Variants in ARID1B observed in about 807,000 individuals in gnomAD.
The protein encoded by ARID1B is AT-rich interactive domain-containing protein 1B.
Under a neutral mutation model 212.3 loss-of-function variants are expected in ARID1B, and 30 were observed. The observed-to-expected ratio is 0.14, with a 90% CI of 0.11 to 0.19. The LOEUF is 0.19. Among genes scored for constraint, ARID1B ranks in the 10% least tolerant of loss-of-function variants. The pLI, the probability that ARID1B is intolerant of heterozygous loss-of-function variation, is 1.00. For synonymous variants in ARID1B, 1,402 were observed against 1,301.7 expected (o/e 1.08, Z -1.66); for missense variants, 2,891 against 3,204.0 (o/e 0.90, Z 2.36).
intron 2 of ARID1B, among the ~76,000 whole-genome samples, chr6:156,867,970 C>T (rs553713909): frequency 2.9e-4 from 44 of 152,290 alleles, no homozygotes; most frequent in African/African-American, 1.0e-3. Flanking sequence ...ATGGCTGCTG[C>T]AGTTCCAAAC....
chr6:157,120,449 G>T (rs185149363), intron 6 of ARID1B, among the ~76,000 whole-genome samples: 1 of 152,204 alleles, frequency 6.6e-6, no homozygotes, highest in Non-Finnish European at 1.5e-5. Flanking sequence ...CTGGTGTGGC[G>T]CGGGGGGCCT....
At chr6:157,043,202 A>T (rs549828332) in intron 4 of ARID1B, among the ~76,000 whole-genome samples, 2 of 152,164 alleles carry the variant, frequency 1.3e-5, no homozygotes, top group African/African-American at 4.8e-5. Flanking sequence ...TAAATATCCC[A>T]TGCCCTTTGC....
chr6:157,008,767 G>T (rs1334107183), intron 4 of ARID1B, among the ~76,000 whole-genome samples: 2 of 152,046 alleles, frequency 1.3e-5, no homozygotes, highest in Non-Finnish European at 2.9e-5. Context: ...GAGGGGGGCG[G>T]CGCTCAGATG....
Position 157,201,593 on chromosome 6 carries a change from TTATGAC to T in ARID1B, c.5263+108_5263+113del. 1.2e-5 allele frequency: 16 copies of T among 1,304,400 alleles called. No individual in the cohort carries two copies. The highest frequency in any genetic ancestry group is 1.6e-5 in the Non-Finnish European group (16 of 977,012). The allele number at this position is 1,304,400 out of a possible 1,614,324, so 80.8% of individuals were successfully genotyped here. A position where few individuals can be genotyped will look rare whatever the true frequency, so the allele number is the denominator to read the frequency against. On this transcript the variant is annotated intron_variant, in intron 18 of 19. Transcript: ENST00000636930. This position sits in a 1 kb window ranked among gnomAD's most constrained non-coding sequence, Gnocchi z 5.2. ...TGCTCATCTTAAAGGGATGAAAAAA[TTATGAC>T]TAGAAGTTATCAAGATGCGTTTTTA...
intron 5 of ARID1B, among the ~76,000 whole-genome samples, chr6:157,085,802 A>G (rs184346264): frequency 2.0e-5 from 3 of 152,368 alleles, no homozygotes; most frequent in East Asian, 1.9e-4. Flanking sequence ...AACATCAACT[A>G]TCAAATAAAC....
At chr6:157,102,604 CTTTTTTTTTTTTTTTTTTTT>C (rs35977420) in intron 5 of ARID1B, among the ~76,000 whole-genome samples, 36 of 66,252 alleles carry the variant, frequency 5.4e-4, no homozygotes, top group African/African-American at 2.1e-3. Context: ...CTGAGTGGTT[CTTTTTTTTTTTTTTTTTTTT>C]TTTTTTGAGA....
intron 4 of ARID1B, among the ~76,000 whole-genome samples, chr6:156,952,369 TACTG>T (rs1793651381): frequency 6.6e-6 from 1 of 152,370 alleles, no homozygotes; most frequent in Admixed American, 6.5e-5. Flanking sequence ...TTCTCGAACT[TACTG>T]ACTTTGAATA....
intron 4 of ARID1B, among the ~76,000 whole-genome samples, chr6:156,956,700 C>G (rs111989643): frequency 1.6e-4 from 24 of 152,320 alleles, no homozygotes; most frequent in African/African-American, 5.5e-4. Flanking sequence ...GCATGTGTAG[C>G]AGGCAGGATG....
At chr6:156,779,600 C>A (rs1583028001) in intron 1 of ARID1B, 129 bp downstream of exon 1, 1 of 1,004,158 alleles carries the variant, frequency 1.0e-6, no homozygotes, top group African/African-American at 1.7e-5. Flanking sequence ...GCGCCCAAAG[C>A]CATCTTGACG....
At chr6:157,112,849 T>C (rs1787020585) in intron 6 of ARID1B, among the ~76,000 whole-genome samples, 2 of 152,342 alleles carry the variant, frequency 1.3e-5, no homozygotes, top group East Asian at 3.9e-4. Flanking sequence ...TTCGATTGCC[T>C]TTATTATATG....
chr6:157,047,886 C>A, intron 4 of ARID1B, among the ~76,000 whole-genome samples: 1 of 152,284 alleles, frequency 6.6e-6, no homozygotes, highest in East Asian at 1.9e-4. Flanking sequence ...TAATTAGAGG[C>A]GTGTTTCAGG....
chr6:157,112,645 A>G (rs947651933), intron 6 of ARID1B, among the ~76,000 whole-genome samples: 1 of 152,202 alleles, frequency 6.6e-6, no homozygotes, highest in African/African-American at 2.4e-5. Flanking sequence ...TGTCTTTCCC[A>G]GCCCTTTCCA....
intron 3 of ARID1B, among the ~76,000 whole-genome samples, chr6:156,914,807 A>G (rs1386645504): frequency 6.6e-6 from 1 of 151,882 alleles, no homozygotes; most frequent in African/African-American, 2.4e-5. Context: ...CCCTGTCTAT[A>G]TTTTCCCCCA....
chr6:157,072,851 C>T (rs1261809455), intron 4 of ARID1B, among the ~76,000 whole-genome samples: 1 of 152,146 alleles, frequency 6.6e-6, no homozygotes. Flanking sequence ...AAATCACTTG[C>T]CCAATGTCAC....
At chr6:156,818,820 A>G (rs2128006905) in intron 1 of ARID1B, among the ~76,000 whole-genome samples, 2 of 152,312 alleles carry the variant, frequency 1.3e-5, no homozygotes, top group East Asian at 1.9e-4. Flanking sequence ...AAATAATGCT[A>G]GGATTGATTA....
chr6:157,188,697 T>C (rs531740075), intron 13 of ARID1B, among the ~76,000 whole-genome samples: 18 of 152,306 alleles, frequency 1.2e-4, no homozygotes, highest in Admixed American at 6.5e-4. Flanking sequence ...GGTCCACTGG[T>C]GTATGTGAGC....
At chr6:156,913,845 C>T (rs1790118071) in intron 3 of ARID1B, among the ~76,000 whole-genome samples, 1 of 150,874 alleles carries the variant, frequency 6.6e-6, no homozygotes. Context: ...TCCCAACAAC[C>T]AGCCAACCCC....
intron 1 of ARID1B, among the ~76,000 whole-genome samples, chr6:156,784,940 C>T (rs953482390): frequency 7.2e-5 from 11 of 152,010 alleles, no homozygotes; most frequent in South Asian, 2.1e-4. Context: ...TTGTATTTTT[C>T]GTAGAGATGG....
Position 156,897,264 on chromosome 6 carries a change from C to CTTA in ARID1B, c.1987-4088_1987-4086dup, listed in dbSNP as rs1163995525. 7.0e-3 allele frequency among the ~76,000 whole-genome samples: 581 copies of CTTA among 83,588 alleles called. 10 individuals carry two copies. The highest frequency in any genetic ancestry group is 0.026 in the Middle Eastern group (5 of 194). The allele number at this position is 83,588 out of a possible 152,430, so 54.8% of individuals were successfully genotyped here. The stretch of plus-strand genomic sequence containing the variant: ...TCTTCTTCTTCTTCTTCTTCTTCTT[C>CTTA]TTATTATTATTATTATTATTATTAT... On this transcript the variant is annotated intron_variant, in intron 2 of 19. Coordinates refer to ENST00000636930, the MANE Select transcript of ARID1B (RefSeq NM_001374828.1).
Sources: gnomAD v4.1 joint callset for allele counts (sites outside exome capture counted in the v4.1 genomes callset) on GRCh38, gnomAD v4.1.1 for gene constraint, Gnocchi (gnomAD v3.1) non-coding constraint, MANE v1.5 for transcripts, NCBI Gene and HGNC (gene_info 2026-07-23, HGNC 2026-07-21) for gene names.